Variants in GPR158 observed in about 807,000 individuals in gnomAD.
The protein encoded by GPR158 is G protein-coupled receptor 158.
Under a neutral mutation model 78.2 loss-of-function variants are expected in GPR158, and 30 were observed. The ratio of observed to expected loss-of-function variants is 0.38; its 90% CI spans 0.29 to 0.52. The LOEUF is 0.52. GPR158 is among the 20% of genes least tolerant of loss of function. The pLI, the probability that GPR158 is intolerant of heterozygous loss-of-function variation, is 0.83. For missense variants in GPR158, 1,463 were observed against 1,523.5 expected (o/e 0.96, Z 0.66); for synonymous variants, 581 against 591.1 (o/e 0.98, Z 0.25).
intron 2 of GPR158, among the ~76,000 whole-genome samples, chr10:25,268,139 C>T (rs2130740042): frequency 6.6e-6 from 1 of 151,946 alleles, no homozygotes; most frequent in African/African-American, 2.4e-5. Flanking sequence ...ATTACATATG[C>T]CAATTTTTTG....
intron 5 of GPR158, among the ~76,000 whole-genome samples, chr10:25,506,134 G>T (rs1836010132): frequency 6.6e-6 from 1 of 152,160 alleles, no homozygotes; most frequent in Admixed American, 6.5e-5. Context: ...GCCTTTAAGT[G>T]CTATAATCCC....
At chr10:25,306,374 A>G (rs993638072) in intron 2 of GPR158, among the ~76,000 whole-genome samples, 6 of 152,214 alleles carry the variant, frequency 3.9e-5, no homozygotes, top group African/African-American at 1.4e-4. Flanking sequence ...GCCTTCGTGC[A>G]TTATTCCATA....
intron 2 of GPR158, among the ~76,000 whole-genome samples, chr10:25,250,948 A>G (rs532752523): frequency 6.6e-6 from 1 of 151,486 alleles, no homozygotes; most frequent in East Asian, 1.9e-4. Flanking sequence ...GTGGGCGTCT[A>G]AGTCTCTTTG....
At chr10:25,205,512 G>A (rs1327264624) in intron 1 of GPR158, among the ~76,000 whole-genome samples, 2 of 151,730 alleles carry the variant, frequency 1.3e-5, no homozygotes, top group Non-Finnish European at 2.9e-5. Context: ...TATGTGTGAT[G>A]TTCGGCTGTT....
intron 2 of GPR158, among the ~76,000 whole-genome samples, chr10:25,268,793 C>T (rs1428024895): frequency 6.6e-6 from 1 of 152,170 alleles, no homozygotes; most frequent in African/African-American, 2.4e-5. Flanking sequence ...ATGAGCACCA[C>T]ATAAGGTCAA....
rs143199566 is a variant in GPR158, at chr10:25,548,312, T to C, written c.1405-2664T>C. ...GAAGCATATAGTCTAAAAGTCATAGTAGGAATTCAAAAGAAGGGGTGGCTG... is the reference window on the plus strand; with the variant it reads ...GAAGCATATAGTCTAAAAGTCATAGCAGGAATTCAAAAGAAGGGGTGGCTG... On this transcript the variant is annotated intron_variant, in intron 5 of 10. Coordinates refer to ENST00000376351, the MANE Select transcript of GPR158 (RefSeq NM_020752.3). Among the ~76,000 whole-genome samples, 120 of 152,234 alleles carry C rather than the reference T, an allele frequency of 7.9e-4. 1 individual carries two copies. Among genetic ancestry groups the C allele is most frequent in the African/African-American group, 2.6e-3 (110 of 41,556 alleles).
At chr10:25,450,458 T>G (rs1010893353) in intron 4 of GPR158, among the ~76,000 whole-genome samples, 1 of 151,888 alleles carries the variant, frequency 6.6e-6, no homozygotes, top group Non-Finnish European at 1.5e-5. Context: ...TTTTACATGA[T>G]AAATCTTTAA....
At chr10:25,236,832 A>G (rs1046488320) in intron 2 of GPR158, among the ~76,000 whole-genome samples, 1 of 152,214 alleles carries the variant, frequency 6.6e-6, no homozygotes, top group Non-Finnish European at 1.5e-5. Context: ...TTTGGTTGCT[A>G]TTAATTACAA....
intron 4 of GPR158, among the ~76,000 whole-genome samples, chr10:25,424,394 C>A (rs1440954593): frequency 6.6e-6 from 1 of 152,082 alleles, no homozygotes; most frequent in Non-Finnish European, 1.5e-5. Flanking sequence ...TTAATTAGAT[C>A]CCATTTGTCA....
Position 25,589,032 on chromosome 10 carries a change from T to A in GPR158, c.1779T>A (p.Gly593=). ...CTGAATTTTTATTCCTCTTGTGGGG[T>A]GTTTATCTCTGCTATGCAGTGCGGA... ...AVAEFLFLLW[G]VYLCYAVRTV... is the part of the protein sequence containing the mutation. Residue 593 remains glycine, a synonymous_variant, in exon 8 of 11, where the codon GGT becomes GGA. Transcript: ENST00000376351. 6.3e-7 allele frequency: 1 copy of A among 1,586,566 alleles called. No homozygotes were observed.
chr10:25,540,945 A>AAAAAAT (rs1342123329), intron 5 of GPR158, among the ~76,000 whole-genome samples: 27 of 82,906 alleles, frequency 3.3e-4, no homozygotes, highest in African/African-American at 2.5e-3. Context: ...GTATAATAAA[A>AAAAAAT]ATATATATAT....
In GPR158 at chr10:25,335,134, TTA is replaced by T. The variant is rs1855179388; in HGVS notation, c.1009-60775_1009-60774del. 2.0e-5 allele frequency among the ~76,000 whole-genome samples: 3 copies of T among 152,204 alleles called. No homozygotes were observed. In the South Asian group the frequency reaches 6.2e-4, roughly 31 times the overall value. Reference sequence around the variant, plus strand: ...GTATGGTCAACAGATTCTTGTGATGTTATGTTTCTAGAATAATCCAACAAACT... The same window carrying T: ...GTATGGTCAACAGATTCTTGTGATGTTGTTTCTAGAATAATCCAACAAACT... On this transcript the variant is annotated intron_variant, in intron 2 of 10. Transcript: ENST00000376351.
chr10:25,472,141 A>C (rs1222116842), intron 5 of GPR158, among the ~76,000 whole-genome samples: 4 of 152,108 alleles, frequency 2.6e-5, no homozygotes, highest in Non-Finnish European at 5.9e-5. Flanking sequence ...ATTTTTGTAT[A>C]AGGTGTAAGG....
At chr10:25,255,458 T>C (rs1853877800) in intron 2 of GPR158, among the ~76,000 whole-genome samples, 1 of 152,242 alleles carries the variant, frequency 6.6e-6, no homozygotes, top group Admixed American at 6.5e-5. Context: ...TGTCCTCTGC[T>C]CAGGGTCTCT....
chr10:25,269,810 A>T (rs547944757), intron 2 of GPR158, among the ~76,000 whole-genome samples: 1 of 152,326 alleles, frequency 6.6e-6, no homozygotes, highest in Non-Finnish European at 1.5e-5. Context: ...TCAGCAATGC[A>T]GTGAGATCCT....
At chr10:25,429,215 C>T in intron 4 of GPR158, among the ~76,000 whole-genome samples, 1 of 152,002 alleles carries the variant, frequency 6.6e-6, no homozygotes, top group Non-Finnish European at 1.5e-5. Context: ...AGGTGCCTTT[C>T]CCTAATTATT....
intron 5 of GPR158, among the ~76,000 whole-genome samples, chr10:25,493,407 G>C (rs1835837368): frequency 6.6e-6 from 1 of 152,112 alleles, no homozygotes; most frequent in Non-Finnish European, 1.5e-5. Context: ...GTCACTCTTA[G>C]AAGAAGATAG....
intron 4 of GPR158, among the ~76,000 whole-genome samples, chr10:25,447,045 A>C (rs1246616502): frequency 6.6e-6 from 1 of 152,234 alleles, no homozygotes; most frequent in Non-Finnish European, 1.5e-5. Flanking sequence ...AAAACATGAT[A>C]CTTTGAATTT....
At chr10:25,182,145 AAT>A (rs1300508702) in intron 1 of GPR158, among the ~76,000 whole-genome samples, 1 of 152,194 alleles carries the variant, frequency 6.6e-6, no homozygotes, top group African/African-American at 2.4e-5. Context: ...TTACTCACAG[AAT>A]ATTTACAGAA....
Sources: gnomAD v4.1 joint callset for allele counts (sites outside exome capture counted in the v4.1 genomes callset) on GRCh38, gnomAD v4.1.1 for gene constraint, MANE v1.5 for transcripts, NCBI Gene and HGNC (gene_info 2026-07-23, HGNC 2026-07-21) for gene names.